ASB18: variants seen among roughly 807,000 people sequenced by gnomAD.
ASB18 encodes the protein ankyrin repeat and SOCS box protein 18.
Under a neutral mutation model 33.4 loss-of-function variants are expected in ASB18, and 33 were observed. The ratio of observed to expected loss-of-function variants is 0.99; its 90% confidence interval spans 0.75 to 1.32. The LOEUF (loss-of-function observed/expected upper bound fraction) is 1.32, where lower values mean the gene tolerates loss of function less well. ASB18 is among the 40% of genes most tolerant of loss of function. The probability of loss-of-function intolerance (pLI) is 0.00; values close to 1 mark genes in which losing one functional copy is unlikely to be tolerated. For missense variants in ASB18, 694 were observed against 655.5 expected (o/e 1.06, Z -0.64); for synonymous variants, 295 against 307.6 (o/e 0.96, Z 0.43).
At chr2:236,202,223 T>A (rs2060406503) in intron 4 of ASB18, among the ~76,000 whole-genome samples, 1 of 152,160 alleles carries the variant, frequency 6.6e-6, no homozygotes, top group Admixed American at 6.5e-5. Flanking sequence ...AGCGCTGGGA[T>A]TACAGGTGTG....
Position 236,263,430 on chromosome 2 carries a change from A to C in ASB18, c.205+711T>G, listed in dbSNP as rs1289878558. 6.6e-6 allele frequency among the ~76,000 whole-genome samples: 1 copy of C among 152,228 alleles called. No homozygotes were observed. The highest frequency in any genetic ancestry group is 1.5e-5 in the Non-Finnish European group (1 of 68,048). ...TGTGCTTATCAAATGGCAATTTAAT[A>C]CAAACATTCATTACCAGTGATGCTC... On this transcript the variant is annotated intron_variant, in intron 1 of 5. Transcript: ENST00000409749. This position sits in a 1 kb window ranked among gnomAD's most constrained non-coding sequence, Gnocchi z 4.0.
chr2:236,197,437 G>T (rs2060379459), intron 4 of ASB18, among the ~76,000 whole-genome samples: 1 of 152,192 alleles, frequency 6.6e-6, no homozygotes, highest in Non-Finnish European at 1.5e-5. Context: ...TTGTCCTGTA[G>T]CATTTCTCAC....
Position 236,208,281 on chromosome 2 carries a change from C to T in ASB18, c.1101+6081G>A, listed in dbSNP as rs1187444771. Among the ~76,000 whole-genome samples the T allele has an allele frequency of 6.6e-6, 1 of 152,164 alleles. No homozygotes were observed. The highest frequency in any genetic ancestry group is 2.4e-5 in the African/African-American group (1 of 41,434). ...GCCCTGTCCCTCTCTGCGCCCCACACATGTTGATATTTCTGGCTCACACGA... is the reference window on the plus strand; with the variant it reads ...GCCCTGTCCCTCTCTGCGCCCCACATATGTTGATATTTCTGGCTCACACGA... On this transcript the variant is annotated intron_variant, in intron 4 of 5. Coordinates refer to ENST00000409749, the MANE Select transcript of ASB18 (RefSeq NM_212556.4). This position sits in a 1 kb window ranked among gnomAD's most constrained non-coding sequence, Gnocchi z 7.7.
In ASB18 at chr2:236,248,309, G is replaced by A. The variant is rs1037713651; in HGVS notation, c.206-6907C>T. 6.6e-6 allele frequency: 1 copy of A among 152,074 alleles called. No homozygotes were observed. The highest frequency in any genetic ancestry group is 1.5e-5 in the Non-Finnish European group (1 of 68,022). 9.4% of individuals were successfully genotyped at this position (152,074 alleles called of 1,614,324 possible). A position where few individuals can be genotyped will look rare whatever the true frequency, so the allele number is the denominator to read the frequency against. On this transcript the variant is annotated intron_variant, in intron 1 of 5. Coordinates refer to ENST00000409749, the MANE Select transcript of ASB18 (RefSeq NM_212556.4). The surrounding 1 kb of genome is among the most constrained non-coding windows in gnomAD (Gnocchi z 4.9). ...AACAGGACTGTTAAAAAGTCCCCAG[G>A]TGGCTGGATGTGGTGGCTCATGCCT...
intron 3 of ASB18, among the ~76,000 whole-genome samples, chr2:236,224,728 G>C (rs1253481863): frequency 6.6e-6 from 1 of 152,194 alleles, no homozygotes; most frequent in Non-Finnish European, 1.5e-5. Flanking sequence ...GCAGGCCTGA[G>C]AGGCTCAGAG....
In ASB18 at chr2:236,252,734, C is replaced by T. The variant is rs2060673885; in HGVS notation, c.206-11332G>A. Among the ~76,000 whole-genome samples, 1 of 152,138 alleles carries T rather than the reference C, an allele frequency of 6.6e-6. No individual in the cohort carries two copies. The highest frequency in any genetic ancestry group is 6.6e-5 in the Admixed American group (1 of 15,264). On this transcript the variant is annotated intron_variant, in intron 1 of 5. Transcript: ENST00000409749. This position sits in a 1 kb window ranked among gnomAD's most constrained non-coding sequence, Gnocchi z 7.9. ...GGCACCTGAGCAGGAAATGAAGCCG[C>T]CACAGACAGCAGACCTGTGATTCAG...
Position 236,195,107 on chromosome 2 carries a change from T to C in ASB18, c.1216-50A>G. ...GAAATCTGGGCACGTGGAACCAACATACGTTTTCTTCTTAGCCAGACCACT... is the reference window on the plus strand; with the variant it reads ...GAAATCTGGGCACGTGGAACCAACACACGTTTTCTTCTTAGCCAGACCACT... On this transcript the variant is annotated intron_variant, in intron 5 of 5. Transcript: ENST00000409749. The surrounding 1 kb of genome is among the most constrained non-coding windows in gnomAD (Gnocchi z 5.5). The C allele has an allele frequency of 6.5e-7, 1 of 1,537,922 alleles. No homozygotes were observed. The highest frequency in any genetic ancestry group is 1.2e-5 in the South Asian group (1 of 81,878).
rs2060696699 is a variant in ASB18, at chr2:236,257,236, C to G, written c.205+6905G>C. 1.3e-5 allele frequency among the ~76,000 whole-genome samples: 2 copies of G among 152,172 alleles called. No homozygotes were observed. Among genetic ancestry groups the G allele is most frequent in the African/African-American group, 4.8e-5 (2 of 41,440 alleles). ...GAATCAAAGTAATAAGAGCAATGCT[C>G]AGGCTGGTGGTGGGATAGTGTCATT... On this transcript the variant is annotated intron_variant, in intron 1 of 5. Coordinates refer to ENST00000409749, the MANE Select transcript of ASB18 (RefSeq NM_212556.4). The surrounding 1 kb of genome is among the most constrained non-coding windows in gnomAD (Gnocchi z 5.5).
intron 4 of ASB18, among the ~76,000 whole-genome samples, chr2:236,197,649 C>G (rs901451925): frequency 6.6e-6 from 1 of 152,150 alleles, no homozygotes; most frequent in Non-Finnish European, 1.5e-5. Context: ...TGGAGAAACA[C>G]CGTCTCTACT....
In ASB18 at chr2:236,200,030, A is replaced by G. The variant is rs556198416; in HGVS notation, c.1102-3645T>C. Among the ~76,000 whole-genome samples the G allele has an allele frequency of 1.8e-4, 27 of 152,302 alleles. No homozygotes were observed. The South Asian group carries it at 4.4e-3, about 25-fold the overall frequency. ...TTTAAAGAAATTTAGCATTGCATAG[A>G]TAACAGTCAAGGTCCATTAGAAAAG... is the stretch of plus-strand genomic sequence containing the variant. On this transcript the variant is annotated intron_variant, in intron 4 of 5. Coordinates refer to ENST00000409749, the MANE Select transcript of ASB18 (RefSeq NM_212556.4). The surrounding 1 kb of genome is among the most constrained non-coding windows in gnomAD (Gnocchi z 4.2).
rs2060468327 is a variant in ASB18 at position 236,213,460 on chromosome 2, C to G, written c.1101+902G>C. On this transcript the variant is annotated intron_variant, in intron 4 of 5. Coordinates refer to ENST00000409749, the MANE Select transcript of ASB18 (RefSeq NM_212556.4). This position sits in a 1 kb window ranked among gnomAD's most constrained non-coding sequence, Gnocchi z 4.8. The stretch of plus-strand genomic sequence containing the variant: ...AATCAGGCCAAAATATGTCTTATGT[C>G]TATGAGTGATGAGTCTTGGTTGATG... Among the ~76,000 whole-genome samples the G allele has an allele frequency of 6.6e-6, 1 of 152,026 alleles. No individual in the cohort carries two copies. The highest frequency in any genetic ancestry group is 1.5e-5 in the Non-Finnish European group (1 of 68,018).
At chr2:236,224,267 AT>A (rs2060526987) in intron 3 of ASB18, among the ~76,000 whole-genome samples, 1 of 131,282 alleles carries the variant, frequency 7.6e-6, no homozygotes, top group Admixed American at 9.4e-5. Flanking sequence ...TCTCATTTGC[AT>A]GTCCTTGATG....
intron 4 of ASB18, among the ~76,000 whole-genome samples, chr2:236,212,067 A>G (rs1018913472): frequency 6.6e-6 from 1 of 152,194 alleles, no homozygotes; most frequent in African/African-American, 2.4e-5. Context: ...AAAAGCCTCA[A>G]GGTATTAAGA....
chr2:236,202,823 C>CACACACA (rs2060411832), intron 4 of ASB18, among the ~76,000 whole-genome samples: 1 of 134,572 alleles, frequency 7.4e-6, no homozygotes, highest in South Asian at 2.6e-4. Flanking sequence ...ATACACACAC[C>CACACACA]TATAGTTCTC....
chr2:236,245,778 C>G lies in ASB18; in HGVS notation c.206-4376G>C, dbSNP rs993394374. On this transcript the variant is annotated intron_variant, in intron 1 of 5. Coordinates refer to ENST00000409749, the MANE Select transcript of ASB18 (RefSeq NM_212556.4). This position sits in a 1 kb window ranked among gnomAD's most constrained non-coding sequence, Gnocchi z 4.7. ...TCCTCTCTGGGAAGTTCTTCATGCCCCGCATGGTGTTCCACACAGAGAAGG... is the reference window on the plus strand; with the variant it reads ...TCCTCTCTGGGAAGTTCTTCATGCCGCGCATGGTGTTCCACACAGAGAAGG... Among the ~76,000 whole-genome samples, 43 of 152,190 alleles carry G rather than the reference C, an allele frequency of 2.8e-4. No homozygotes were observed. The highest frequency in any genetic ancestry group is 1.0e-3 in the African/African-American group (43 of 41,444).
At position 236,215,877 on chromosome 2, in the gene ASB18, C is replaced by A. The variant is rs189267539; in HGVS notation, c.597-1011G>T. Among the ~76,000 whole-genome samples, 2 of 152,334 alleles carry A rather than the reference C, an allele frequency of 1.3e-5. No individual in the cohort carries two copies. The highest frequency in any genetic ancestry group is 3.9e-4 in the East Asian group (2 of 5,190). ...TGGAAGTCTGCAAACATGCCGACTT[C>A]AGACTACAGCCCTAGTCCTCTAGCT... On this transcript the variant is annotated intron_variant, in intron 3 of 5. Transcript: ENST00000409749. The surrounding 1 kb of genome is among the most constrained non-coding windows in gnomAD (Gnocchi z 7.2).
chr2:236,217,248 A>G lies in ASB18; in HGVS notation c.597-2382T>C, dbSNP rs1055102594. On this transcript the variant is annotated intron_variant, in intron 3 of 5. Coordinates refer to ENST00000409749, the MANE Select transcript of ASB18 (RefSeq NM_212556.4). The surrounding 1 kb of genome is among the most constrained non-coding windows in gnomAD (Gnocchi z 5.2). ...CATGGTGAAAACCCATCTCTACTAA[A>G]AATATAAAATTAGCCGGGCATAGTG... is the stretch of plus-strand genomic sequence containing the variant. 3.2e-4 allele frequency among the ~76,000 whole-genome samples: 49 copies of G among 152,028 alleles called. No individual in the cohort carries two copies. Among genetic ancestry groups the G allele is most frequent in the Admixed American group, 1.1e-3 (17 of 15,268 alleles).
In ASB18 at chr2:236,244,846, C is replaced by T. The variant is rs1311267359; in HGVS notation, c.206-3444G>A. On this transcript the variant is annotated intron_variant, in intron 1 of 5. Transcript: ENST00000409749. This position sits in a 1 kb window ranked among gnomAD's most constrained non-coding sequence, Gnocchi z 6.1. ...GGTTTGATATAGATGTGTTTTGACC[C>T]TTGTTGTAGAACCCTTGTTCTGACC... is the stretch of plus-strand genomic sequence containing the variant. Among the ~76,000 whole-genome samples, 1 of 152,178 alleles carries T rather than the reference C, an allele frequency of 6.6e-6. No homozygotes were observed. Among genetic ancestry groups the T allele is most frequent in the African/African-American group, 2.4e-5 (1 of 41,432 alleles).
rs888341636 is a variant in ASB18 at position 236,209,071 on chromosome 2, G to C, written c.1101+5291C>G. On this transcript the variant is annotated intron_variant, in intron 4 of 5. Transcript: ENST00000409749. The surrounding 1 kb of genome is among the most constrained non-coding windows in gnomAD (Gnocchi z 4.4). ...TGCACGCAACTCTGTGAAGATGGGA[G>C]GGGGAGCCCTGGTTTTTGACTACTG... is the stretch of plus-strand genomic sequence containing the variant. Among the ~76,000 whole-genome samples, 9 of 152,150 alleles carry C rather than the reference G, an allele frequency of 5.9e-5. No homozygotes were observed. The highest frequency in any genetic ancestry group is 6.5e-5 in the Admixed American group (1 of 15,284).
Sources: allele counts gnomAD v4.1 joint callset (sites outside exome capture counted in the v4.1 genomes callset), GRCh38; gene constraint gnomAD v4.1.1; non-coding constraint Gnocchi (gnomAD v3.1); transcripts MANE v1.5; gene names NCBI Gene and HGNC (gene_info 2026-07-23, HGNC 2026-07-21).